RIC3: variants seen among roughly 807,000 people sequenced by gnomAD.
RIC3 encodes the protein RIC3 acetylcholine receptor chaperone.
A neutral mutation model predicts 27.3 loss-of-function variants in RIC3; 28 were observed. The ratio of observed to expected loss-of-function variants is 1.02; its 90% CI spans 0.76 to 1.41. RIC3 has a LOEUF of 1.41. Among genes scored for constraint, RIC3 ranks in the 40% most tolerant of loss-of-function variants. The probability of loss-of-function intolerance (pLI) is 0.00; values close to 1 mark genes in which losing one functional copy is unlikely to be tolerated. For missense variants in RIC3, 501 were observed against 444.7 expected, an observed-to-expected ratio of 1.13 and a Z score of -1.14; for synonymous variants, 184 against 160.4, an observed-to-expected ratio of 1.15 and a Z score of -1.11.
intron 4 of RIC3, among the ~76,000 whole-genome samples, chr11:8,133,492 C>A (rs1252637205): frequency 6.6e-6 from 1 of 152,138 alleles, no homozygotes; most frequent in Non-Finnish European, 1.5e-5. Context: ...GGTAAAGAGC[C>A]AGGAGCCATG....
At chr11:8,150,661 C>T (rs565334152) in intron 1 of RIC3, among the ~76,000 whole-genome samples, 2 of 152,220 alleles carry the variant, frequency 1.3e-5, no homozygotes, top group East Asian at 3.9e-4. Flanking sequence ...AAGAAAAATG[C>T]GCTAGCCAAA....
chr11:8,151,824 G>A (rs887110355), intron 1 of RIC3, among the ~76,000 whole-genome samples: 1 of 150,946 alleles, frequency 6.6e-6, no homozygotes, highest in Non-Finnish European at 1.5e-5. Context: ...GCTGAGGCAG[G>A]AGAATCGCTT....
rs1564937217 is a variant in RIC3, at chr11:8,106,109, C to CAAATGTATTTATTTATTG, written c.*4571_*4588dup. 6.6e-6 allele frequency: 1 copy of CAAATGTATTTATTTATTG among 151,684 alleles called. No homozygotes were observed. The highest frequency in any genetic ancestry group is 2.4e-5 in the African/African-American group (1 of 41,396). 9.4% of individuals were successfully genotyped at this position (151,684 alleles called of 1,614,324 possible). ...TTGAATAAACTTTGGTATTCTGGAG[C>CAAATGTATTTATTTATTG]AAATGTATTTATTTATTGGTATGTG... On this transcript the variant is annotated 3_prime_UTR_variant, in exon 6 of 6. Transcript: ENST00000309737.
At chr11:8,140,295 G>C in intron 1 of RIC3, 102 bp from the exon 2 acceptor site, 2 of 1,071,158 alleles carry the variant, frequency 1.9e-6, no homozygotes, top group Non-Finnish European at 1.3e-6. Context: ...ACACAAACAA[G>C]TAGAAGAAAA....
chr11:8,152,630 G>C (rs1325767649), intron 1 of RIC3, among the ~76,000 whole-genome samples: 1 of 152,148 alleles, frequency 6.6e-6, no homozygotes, highest in Non-Finnish European at 1.5e-5. Flanking sequence ...GGGGAGGTGT[G>C]TGATTTAAAA....
chr11:8,166,518 CTGAAT>C (rs1565148973), intron 1 of RIC3, among the ~76,000 whole-genome samples: 2 of 152,154 alleles, frequency 1.3e-5, no homozygotes, highest in African/African-American at 4.8e-5. Flanking sequence ...TGAGAATTCT[CTGAAT>C]TGATACTGAA....
At chr11:8,162,873 T>C (rs959097488) in intron 1 of RIC3, among the ~76,000 whole-genome samples, 4 of 152,008 alleles carry the variant, frequency 2.6e-5, no homozygotes, top group Admixed American at 2.6e-4. Context: ...CTCGAACTCC[T>C]GGCCTCAAGC....
downstream of RIC3, chr11:8,104,735 T>C (rs1424167358): frequency 6.6e-6 from 1 of 151,812 alleles, no homozygotes; most frequent in Non-Finnish European, 1.5e-5. Flanking sequence ...ATGCTTTTGG[T>C]TGAAATTGAA....
intron 5 of RIC3, among the ~76,000 whole-genome samples, chr11:8,122,994 G>A (rs573882474): frequency 1.3e-5 from 2 of 151,484 alleles, no homozygotes; most frequent in African/African-American, 4.8e-5. Context: ...AGCTATTACA[G>A]ATATGAATCA....
chr11:8,118,142 G>A (rs1469196817), intron 5 of RIC3, among the ~76,000 whole-genome samples: 1 of 147,872 alleles, frequency 6.8e-6, no homozygotes, highest in African/African-American at 2.5e-5. Context: ...AGAATGACGT[G>A]AACCTGGGAA....
intron 1 of RIC3, among the ~76,000 whole-genome samples, chr11:8,141,945 G>A (rs1036649121): frequency 4.6e-5 from 7 of 151,834 alleles, no homozygotes; most frequent in Admixed American, 3.3e-4. Flanking sequence ...ATAACGAAAC[G>A]AAGGCAGAAA....
chr11:8,139,636 ATTTTTTTTTT>A (rs72265360), intron 2 of RIC3: 5 of 92,722 alleles, frequency 5.4e-5, no homozygotes, highest in South Asian at 3.0e-4. Flanking sequence ...AAAGATGTTA[ATTTTTTTTTT>A]TTTTTTTTTT....
the RIC3 span, chr11:8,100,958 G>C: frequency 6.2e-7 from 1 of 1,614,136 alleles, no homozygotes; most frequent in South Asian, 1.1e-5. Context: ...CGTCACACAG[G>C]CCTCCGTGAA....
intron 1 of RIC3, among the ~76,000 whole-genome samples, chr11:8,144,927 A>G (rs1350248584): frequency 1.3e-5 from 2 of 148,634 alleles, no homozygotes; most frequent in Admixed American, 1.4e-4. Context: ...AACTATCGCA[A>G]GAACAAAAAA....
intron 2 of RIC3, 168 bp from the exon 3 acceptor site, chr11:8,138,515 A>G: frequency 1.9e-6 from 1 of 525,332 alleles, no homozygotes; most frequent in Non-Finnish European, 3.3e-6. Flanking sequence ...CCAAAAGATG[A>G]GGTTTCCAAG....
In RIC3 at chr11:8,138,282, G is replaced by A; in HGVS notation, c.417C>T (p.His139=). 6.2e-7 allele frequency: 1 copy of A among 1,612,080 alleles called. No homozygotes were observed. The highest frequency in any genetic ancestry group is 8.5e-7 in the Non-Finnish European group (1 of 1,178,210). The change falls in exon 3 of 6, where the codon CAC becomes CAT. Residue 139 remains histidine (H), a synonymous_variant. Transcript: ENST00000309737. ...KCYTAMPGNT[H]RKITSFELAQ... is the part of the protein sequence containing the mutation. Reference sequence around the variant, plus strand: ...AGAAGGGGCACTTACTAATTTTCCTGTGGGTGTTTCCAGGCATGGCAGTAT... The same window carrying A: ...AGAAGGGGCACTTACTAATTTTCCTATGGGTGTTTCCAGGCATGGCAGTAT...
At chr11:8,098,979 G>C in the RIC3 span, 1 of 867,966 alleles carries the variant, frequency 1.2e-6, no homozygotes, top group Non-Finnish European at 1.9e-6. Context: ...GGGTAGACAA[G>C]GCTGTGTGGA....
chr11:8,148,793 ACAGCAG>A (rs559354183), intron 1 of RIC3, among the ~76,000 whole-genome samples: 2 of 151,718 alleles, frequency 1.3e-5, no homozygotes, highest in East Asian at 1.9e-4. Context: ...GACATAAATA[ACAGCAG>A]CAGCAGCAGC....
rs568360812 is a variant in RIC3, at chr11:8,107,877, C to A, written c.*2821G>T. 84 of 152,278 alleles carry A rather than the reference C, an allele frequency of 5.5e-4. No homozygotes were observed. Among genetic ancestry groups the A allele is most frequent in the African/African-American group, 2.0e-3 (83 of 41,562 alleles). 9.4% of individuals were successfully genotyped at this position (152,278 alleles called of 1,614,324 possible). On this transcript the variant is annotated 3_prime_UTR_variant, in exon 6 of 6. Coordinates refer to ENST00000309737, the MANE Select transcript of RIC3 (RefSeq NM_001206671.4). The stretch of plus-strand genomic sequence containing the variant: ...GCCAGGGGACTGATCAAGTTCCCAG[C>A]ACCCTCGTGAGAAATGAAGACCGCA...
Sources: allele counts gnomAD v4.1 joint callset (sites outside exome capture counted in the v4.1 genomes callset), GRCh38; gene constraint gnomAD v4.1.1; transcripts MANE v1.5; gene names NCBI Gene and HGNC (gene_info 2026-07-23, HGNC 2026-07-21).